The following DNER variants were observed in gnomAD, a reference collection of about 807,000 sequenced individuals.
The protein encoded by DNER is delta and Notch-like epidermal growth factor-related receptor.
DNER carries 33 observed loss-of-function variants against 78.2 expected under a neutral mutation model. The ratio of observed to expected loss-of-function variants is 0.42; its 90% confidence interval spans 0.32 to 0.56. The LOEUF (loss-of-function observed/expected upper bound fraction) is 0.56, where lower values mean the gene tolerates loss of function less well. DNER is among the 20% of genes least tolerant of loss of function. DNER has a pLI of 0.11. For missense variants in DNER, 918 were observed against 975.3 expected, an observed-to-expected ratio of 0.94 and a Z score of 0.78; for synonymous variants, 417 against 384.8, an observed-to-expected ratio of 1.08 and a Z score of -0.98.
At chr2:229,713,456 GC>G (rs945355592) in intron 1 of DNER, among the ~76,000 whole-genome samples, 2 of 152,172 alleles carry the variant, frequency 1.3e-5, no homozygotes, top group Non-Finnish European at 2.9e-5. Context: ...CCAAGCGTGC[GC>G]CCCGTGGAGC....
chr2:229,646,629 A>G (rs1344811421), intron 1 of DNER, among the ~76,000 whole-genome samples: 3 of 152,236 alleles, frequency 2.0e-5, no homozygotes, highest in Admixed American at 2.0e-4. Flanking sequence ...AGGAATAAAA[A>G]TCAACAATAT....
chr2:229,584,192 A>T (rs1697453723), intron 4 of DNER, among the ~76,000 whole-genome samples: 1 of 152,176 alleles, frequency 6.6e-6, no homozygotes, highest in Non-Finnish European at 1.5e-5. Context: ...AATCCTTAAC[A>T]TTTGTCAATT....
At chr2:229,598,216 G>A (rs2396695) in intron 1 of DNER, among the ~76,000 whole-genome samples, 1 of 151,718 alleles carries the variant, frequency 6.6e-6, no homozygotes. Context: ...GGGAGACACA[G>A]AGGTGACTAA....
chr2:229,537,755 TTTA>T (rs553336599), intron 5 of DNER, among the ~76,000 whole-genome samples: 2,061 of 151,748 alleles, frequency 0.014, 26 homozygotes, highest in Non-Finnish European at 0.018. Context: ...TTTTTTCTTT[TTTA>T]TTATTATTAT....
At chr2:229,413,835 G>GTA (rs1693584297) in intron 9 of DNER, among the ~76,000 whole-genome samples, 1 of 151,240 alleles carries the variant, frequency 6.6e-6, no homozygotes, top group Non-Finnish European at 1.5e-5. Flanking sequence ...CACTTAAAAA[G>GTA]TATATATATA....
intron 1 of DNER, among the ~76,000 whole-genome samples, chr2:229,706,317 G>A (rs1387209169): frequency 6.6e-6 from 1 of 151,274 alleles, no homozygotes; most frequent in East Asian, 1.9e-4. Context: ...CTGGGAGGCT[G>A]AGATGGGTGG....
intron 1 of DNER, among the ~76,000 whole-genome samples, chr2:229,626,583 A>T (rs528800973): frequency 4.1e-4 from 62 of 152,332 alleles, no homozygotes; most frequent in East Asian, 1.3e-3. Context: ...ACATGCTGAA[A>T]CTATAAAAGA....
chr2:229,479,980 G>A (rs1199907701), intron 6 of DNER, among the ~76,000 whole-genome samples: 1 of 152,160 alleles, frequency 6.6e-6, no homozygotes. Context: ...TGTCAGAATT[G>A]CGACCACAGA....
chr2:229,562,037 G>A (rs1696970727), intron 4 of DNER, among the ~76,000 whole-genome samples: 1 of 152,176 alleles, frequency 6.6e-6, no homozygotes, highest in African/African-American at 2.4e-5. Flanking sequence ...GAGCACACAA[G>A]TGTACTCTAT....
chr2:229,518,158 T>C (rs1378030240), intron 5 of DNER, among the ~76,000 whole-genome samples: 1 of 152,248 alleles, frequency 6.6e-6, no homozygotes, highest in Non-Finnish European at 1.5e-5. Flanking sequence ...ATGTCAGTCC[T>C]ACCATCTTAG....
intron 1 of DNER, among the ~76,000 whole-genome samples, chr2:229,593,903 A>G (rs13013362): frequency 0.88 from 133,884 of 152,286 alleles, 60,212 homozygotes; most frequent in East Asian, 0.98. Flanking sequence ...CATTTAAACC[A>G]CAAGGGATCA....
chr2:229,380,384 C>T (rs114518018), intron 11 of DNER, among the ~76,000 whole-genome samples: 1 of 152,036 alleles, frequency 6.6e-6, no homozygotes, highest in East Asian at 1.9e-4. Flanking sequence ...GATTTGCATC[C>T]TTCCAAATTC....
chr2:229,669,505 A>C (rs1699171425), intron 1 of DNER, among the ~76,000 whole-genome samples: 1 of 152,102 alleles, frequency 6.6e-6, no homozygotes, highest in Non-Finnish European at 1.5e-5. Context: ...TACTTTGGGC[A>C]TACGGCCATT....
intron 6 of DNER, 108 bp downstream of exon 6, chr2:229,512,675 A>C (rs1473526240): frequency 2.1e-6 from 3 of 1,460,132 alleles, no homozygotes; most frequent in Admixed American, 4.0e-5. Context: ...GAACTTACTC[A>C]TGTAACCAAG....
At position 229,427,272 on chromosome 2, in the gene DNER, C is replaced by T. The variant is rs557828609; in HGVS notation, c.1487-9042G>A. 6.6e-5 allele frequency among the ~76,000 whole-genome samples: 10 copies of T among 152,332 alleles called. No individual in the cohort carries two copies. In the East Asian group the frequency reaches 1.9e-3, roughly 29 times the overall value. The stretch of plus-strand genomic sequence containing the variant: ...TGTTCACACCATGAGTTTATATTCT[C>T]CCTCAGTGCAGAGGCTCTCTGGCTT... On this transcript the variant is annotated intron_variant, in intron 8 of 12. Transcript: ENST00000341772.
At chr2:229,704,771 G>C (rs771140968) in intron 1 of DNER, among the ~76,000 whole-genome samples, 1 of 152,204 alleles carries the variant, frequency 6.6e-6, no homozygotes, top group Non-Finnish European at 1.5e-5. Flanking sequence ...GCCAAGAAGA[G>C]TGAATTTTAC....
intron 12 of DNER, 24 bp downstream of exon 12, chr2:229,366,848 TC>T: frequency 6.2e-7 from 1 of 1,613,188 alleles, no homozygotes; most frequent in Non-Finnish European, 8.5e-7. Flanking sequence ...AAGGCAGCAT[TC>T]CCCACGCCGC....
intron 1 of DNER, among the ~76,000 whole-genome samples, chr2:229,690,384 TA>T (rs1699549825): frequency 6.6e-6 from 1 of 152,206 alleles, no homozygotes. Context: ...ACAATCTGGA[TA>T]GCTTTGGAAA....
At chr2:229,361,282 T>C (rs1692204116) in intron 12 of DNER, among the ~76,000 whole-genome samples, 1 of 152,066 alleles carries the variant, frequency 6.6e-6, no homozygotes. Context: ...ATTGCAGGCA[T>C]TTTCATGCAA....
Sources: allele counts gnomAD v4.1 joint callset (sites outside exome capture counted in the v4.1 genomes callset), GRCh38; gene constraint gnomAD v4.1.1; transcripts MANE v1.5; gene names NCBI Gene and HGNC (gene_info 2026-07-23, HGNC 2026-07-21).